The following NEU3 variants were observed in gnomAD, a reference collection of about 807,000 sequenced individuals.
NEU3 encodes sialidase-3.
A neutral mutation model predicts 11.4 loss-of-function variants in NEU3; 10 were observed. The observed-to-expected ratio is 0.88, with a 90% confidence interval of 0.54 to 1.49. The LOEUF (loss-of-function observed/expected upper bound fraction) is 1.49. NEU3 is among the 40% of genes most tolerant of loss of function. The pLI, the probability that NEU3 is intolerant of heterozygous loss-of-function variation, is 0.00. For missense variants in NEU3, 529 were observed against 581.8 expected, an observed-to-expected ratio of 0.91 and a Z score of 0.93; for synonymous variants, 212 against 228.2, an observed-to-expected ratio of 0.93 and a Z score of 0.64.
At chr11:74,997,889 C>T (rs2140241553) in intron 2 of NEU3, among the ~76,000 whole-genome samples, 1 of 151,850 alleles carries the variant, frequency 6.6e-6, no homozygotes, top group Admixed American at 6.6e-5. Context: ...TTTTTCTTTG[C>T]ATTTACAGCT....
In NEU3 at chr11:75,006,573, C is replaced by CA. The variant is rs1295821475; in HGVS notation, c.*87dup. ...GAAGCTACTGAAGTCTACAGATAAT[C>CA]AAAAAACTTAATATTCTGTTCCCTA... On this transcript the variant is annotated 3_prime_UTR_variant, in exon 3 of 3. Coordinates refer to ENST00000294064, the MANE Select transcript of NEU3 (RefSeq NM_006656.6). The CA allele has an allele frequency of 1.5e-4, 224 of 1,452,584 alleles. No individual in the cohort carries two copies. Among genetic ancestry groups the CA allele is most frequent in the Non-Finnish European group, 2.0e-4 (216 of 1,088,384 alleles). The allele number at this position is 1,452,584 out of a possible 1,614,324, so 90.0% of individuals were successfully genotyped here.
At chr11:75,018,857 G>A (rs1040292190) in exon 4 of NEU3, 1 of 153,446 alleles carries the variant, frequency 6.5e-6, no homozygotes, top group Non-Finnish European at 1.4e-5. Flanking sequence ...GAACTCCCTA[G>A]AGACTTGTTG....
chr11:74,981,647 A>G, the NEU3 span, among the ~76,000 whole-genome samples: 2 of 152,184 alleles, frequency 1.3e-5, no homozygotes, highest in South Asian at 2.1e-4. Flanking sequence ...CAGGAATCTC[A>G]TGTCTTCTGG....
Position 75,009,350 on chromosome 11 carries a change from C to T in NEU3, c.*2858C>T, listed in dbSNP as rs1363209492. 2 of 152,220 alleles carry T rather than the reference C, an allele frequency of 1.3e-5. No homozygotes were observed. The highest frequency in any genetic ancestry group is 2.9e-5 in the Non-Finnish European group (2 of 68,116). The allele number at this position is 152,220 out of a possible 1,614,324, so 9.4% of individuals were successfully genotyped here. On this transcript the variant is annotated 3_prime_UTR_variant, in exon 3 of 3. Transcript: ENST00000294064. ...CCGGCACTTAGCTTGTGGAGAAGGT[C>T]CTAACTCAACACTGCAACTTTAAGC...
Position 75,008,140 on chromosome 11 carries a change from G to C in NEU3, c.*1648G>C, listed in dbSNP as rs1377795963. ...GTATACATTTATCTAAATATTTCTTGAGTGCCTAATACAAGGTACTTTCTA... is the reference window on the plus strand; with the variant it reads ...GTATACATTTATCTAAATATTTCTTCAGTGCCTAATACAAGGTACTTTCTA... On this transcript the variant is annotated 3_prime_UTR_variant, in exon 3 of 3. Transcript: ENST00000294064. 1 of 152,154 alleles carries C rather than the reference G, an allele frequency of 6.6e-6. No individual in the cohort carries two copies. Among genetic ancestry groups the C allele is most frequent in the East Asian group, 1.9e-4 (1 of 5,204 alleles). 9.4% of individuals were successfully genotyped at this position (152,154 alleles called of 1,614,324 possible). A position where few individuals can be genotyped will look rare whatever the true frequency, so the allele number is the denominator to read the frequency against.
downstream of NEU3, among the ~76,000 whole-genome samples, chr11:75,014,933 CTT>C (rs1198320106): frequency 6.6e-6 from 1 of 152,046 alleles, no homozygotes; most frequent in African/African-American, 2.4e-5. Context: ...ATAGATAAAA[CTT>C]TTTTAGATAA....
downstream of NEU3, among the ~76,000 whole-genome samples, chr11:75,013,048 C>T (rs976943067): frequency 2.6e-5 from 4 of 152,170 alleles, no homozygotes; most frequent in Non-Finnish European, 5.9e-5. Context: ...GTTTGATAAA[C>T]AGTATTACCT....
At chr11:74,986,237 G>A (rs1304128447), upstream of NEU3, among the ~76,000 whole-genome samples, 1 of 152,102 alleles carries the variant, frequency 6.6e-6, no homozygotes, top group Admixed American at 6.5e-5. Flanking sequence ...TGGACATTTA[G>A]GTCTTTTATA....
Position 74,994,669 on chromosome 11 carries a change from T to A in NEU3, c.255T>A (p.Asp85Glu), listed in dbSNP as rs767600414. 2.5e-6 allele frequency: 4 copies of A among 1,613,996 alleles called. No homozygotes were observed. The East Asian group carries it at 8.9e-5, about 36-fold the overall frequency. ...AGCGTTCTACGAGGAGAGATGAGGATGCTCTCCACCTGGTGCTGAGGCGAG... is the reference window on the plus strand; with the variant it reads ...AGCGTTCTACGAGGAGAGATGAGGAAGCTCTCCACCTGGTGCTGAGGCGAG... The part of the protein sequence containing the change: ...AEKRSTRRDE[D>E]ALHLVLRRGL... Residue 85 changes from aspartate (D) to glutamate (E), a missense_variant, in exon 2 of 3, where the codon GAT becomes GAA. Asp to Glu is a conservative substitution (Grantham distance 45). Coordinates refer to ENST00000294064, the MANE Select transcript of NEU3 (RefSeq NM_006656.6).
intron 2 of NEU3, among the ~76,000 whole-genome samples, chr11:74,999,168 C>T (rs1948819937): frequency 6.6e-6 from 1 of 152,138 alleles, no homozygotes; most frequent in South Asian, 2.1e-4. Flanking sequence ...CGAGCCCTCT[C>T]TGCATTGCCC....
At position 75,006,275 on chromosome 11, in the gene NEU3, G is replaced by C; in HGVS notation, c.1169G>C (p.Trp390Ser). ...CAGACCCCCTTGGAGGCTGCCTGCT[G>C]GTCCCGCCCCTGGATCTTGCACTGT... ...LNQTPLEAAC[W>S]SRPWILHCGP... Residue 390 changes from tryptophan (W) to serine (S), a missense_variant, in exon 3 of 3, where the codon TGG becomes TCG. By Grantham distance (177) the Trp-to-Ser change is radical. Coordinates refer to ENST00000294064, the MANE Select transcript of NEU3 (RefSeq NM_006656.6). 1 of 1,614,002 alleles carries C rather than the reference G, an allele frequency of 6.2e-7. No individual in the cohort carries two copies. Among genetic ancestry groups the C allele is most frequent in the Admixed American group, 1.7e-5 (1 of 60,018 alleles).
rs1391876708 is a variant in NEU3 at position 75,009,288 on chromosome 11, C to G, written c.*2796C>G. The stretch of plus-strand genomic sequence containing the variant: ...AAATGACAACAGGCTGGAGCTGTTC[C>G]CTGAAACCTGTGGGAAGGAAGAGAG... On this transcript the variant is annotated 3_prime_UTR_variant, in exon 3 of 3. Transcript: ENST00000294064. The G allele has an allele frequency of 2.6e-5, 4 of 152,170 alleles. No homozygotes were observed. Among genetic ancestry groups the G allele is most frequent in the Non-Finnish European group, 5.9e-5 (4 of 68,094 alleles). The allele number at this position is 152,170 out of a possible 1,614,324, so 9.4% of individuals were successfully genotyped here. A position where few individuals can be genotyped will look rare whatever the true frequency, so the allele number is the denominator to read the frequency against.
downstream of NEU3, among the ~76,000 whole-genome samples, chr11:75,012,363 A>AATG (rs1429751251): frequency 6.6e-6 from 1 of 152,218 alleles, no homozygotes; most frequent in Non-Finnish European, 1.5e-5. Context: ...AAAATGTGGC[A>AATG]ATGAGTTTAA....
chr11:74,985,505 T>C (rs1244229119), upstream of NEU3, among the ~76,000 whole-genome samples: 1 of 152,236 alleles, frequency 6.6e-6, no homozygotes, highest in African/African-American at 2.4e-5. Context: ...TTATACAATA[T>C]ATATGGTTAT....
At chr11:74,983,545 A>G (rs1948651216), upstream of NEU3, among the ~76,000 whole-genome samples, 1 of 152,232 alleles carries the variant, frequency 6.6e-6, no homozygotes, top group African/African-American at 2.4e-5. Context: ...GCTCTTGAGG[A>G]AACAACAGCG....
upstream of NEU3, among the ~76,000 whole-genome samples, chr11:74,987,845 T>C (rs1156593768): frequency 1.4e-5 from 2 of 147,986 alleles, no homozygotes; most frequent in African/African-American, 5.0e-5. Context: ...AAAGACCCAT[T>C]ATTTGGGCTT....
chr11:75,001,612 T>A (rs1948844923), intron 2 of NEU3, among the ~76,000 whole-genome samples: 1 of 152,198 alleles, frequency 6.6e-6, no homozygotes, highest in Non-Finnish European at 1.5e-5. Context: ...GTTTACCCCA[T>A]GCAAATTTTT....
At position 74,989,971 on chromosome 11, in the gene NEU3, T is replaced by C. The variant is rs1051570061; in HGVS notation, c.94+817T>C. ...TTCTATCCCGTTTCCAGCACCTGAT[T>C]TGTGTGAAACGTTTTGGGTGGCAAT... is the stretch of plus-strand genomic sequence containing the variant. On this transcript the variant is annotated intron_variant, in intron 1 of 2. Coordinates refer to ENST00000294064, the MANE Select transcript of NEU3 (RefSeq NM_006656.6). The C allele has an allele frequency of 4.3e-6, 3 of 702,504 alleles. No individual in the cohort carries two copies. In the Admixed American group the frequency reaches 6.0e-5, roughly 14 times the overall value. 43.5% of individuals were successfully genotyped at this position (702,504 alleles called of 1,614,324 possible).
At chr11:75,019,815 T>G (rs1948996128), downstream of NEU3, among the ~76,000 whole-genome samples, 1 of 152,062 alleles carries the variant, frequency 6.6e-6, no homozygotes, top group African/African-American at 2.4e-5. Flanking sequence ...CCACACAGAA[T>G]CCCTACTAGG....
Sources: gnomAD v4.1 joint callset for allele counts (sites outside exome capture counted in the v4.1 genomes callset) on GRCh38, gnomAD v4.1.1 for gene constraint, MANE v1.5 for transcripts, NCBI Gene and HGNC (gene_info 2026-07-23, HGNC 2026-07-21) for gene names.